ASPRV1: variants seen among roughly 807,000 people sequenced by gnomAD.
ASPRV1 encodes the protein retroviral-like aspartic protease 1.
A neutral mutation model predicts 11.0 loss-of-function variants in ASPRV1; 7 were observed. The ratio of observed to expected loss-of-function variants is 0.64; its 90% CI spans 0.36 to 1.20. The LOEUF (loss-of-function observed/expected upper bound fraction) is 1.20. Ranked by LOEUF, ASPRV1 falls within the 50% of genes most tolerant of loss-of-function variation. The pLI is 0.02. For synonymous variants in ASPRV1, 136 were observed against 138.4 expected (o/e 0.98, Z 0.12); for missense variants, 299 against 320.0 (o/e 0.93, Z 0.50).
the ASPRV1 span, among the ~76,000 whole-genome samples, chr2:69,946,567 C>T: frequency 2.0e-5 from 3 of 152,198 alleles, no homozygotes; most frequent in Non-Finnish European, 4.4e-5. Context: ...TAATCATTTT[C>T]CCAGCCAAGG....
chr2:69,969,499 C>G, the ASPRV1 span, among the ~76,000 whole-genome samples: 2 of 152,296 alleles, frequency 1.3e-5, no homozygotes, highest in Non-Finnish European at 2.9e-5. Context: ...TCTGCCACTA[C>G]GACCACTCCC....
At chr2:69,935,513 G>C in the ASPRV1 span, 1 of 1,331,274 alleles carries the variant, frequency 7.5e-7, no homozygotes, top group Non-Finnish European at 1.1e-6. Flanking sequence ...GTTCAGTGAG[G>C]GTTTGTCTGT....
At chr2:69,957,955 A>T (rs1299729305), downstream of ASPRV1, among the ~76,000 whole-genome samples, 1 of 151,954 alleles carries the variant, frequency 6.6e-6, no homozygotes, top group African/African-American at 2.4e-5. Context: ...CTGCTGCTTT[A>T]CTCCATCCTA....
chr2:69,994,404 G>C, the ASPRV1 span, among the ~76,000 whole-genome samples: 2 of 152,204 alleles, frequency 1.3e-5, no homozygotes, highest in Non-Finnish European at 2.9e-5. Flanking sequence ...CCATTTTACA[G>C]CATGACCAAC....
the ASPRV1 span, chr2:69,937,520 C>T: frequency 1.2e-5 from 11 of 934,042 alleles, no homozygotes; most frequent in Middle Eastern, 3.4e-4. Flanking sequence ...GTAGAGAAGT[C>T]GAACAGTGTG....
the ASPRV1 span, among the ~76,000 whole-genome samples, chr2:70,043,216 A>C: frequency 6.6e-6 from 1 of 152,084 alleles, no homozygotes; most frequent in South Asian, 2.1e-4. Context: ...TCAGGAGTTC[A>C]AGACCAGCCT....
At chr2:70,043,857 C>T in the ASPRV1 span, among the ~76,000 whole-genome samples, 2 of 152,176 alleles carry the variant, frequency 1.3e-5, no homozygotes, top group Non-Finnish European at 2.9e-5. Context: ...TGCCTCCATC[C>T]GAACATGCTG....
the ASPRV1 span, among the ~76,000 whole-genome samples, chr2:69,992,794 CA>C: frequency 6.6e-6 from 1 of 152,172 alleles, no homozygotes; most frequent in South Asian, 2.1e-4. Context: ...GAAATGGTTT[CA>C]TCATTTTGTA....
At chr2:69,998,939 T>C in the ASPRV1 span, among the ~76,000 whole-genome samples, 1,712 of 152,094 alleles carry the variant, frequency 0.011, 106 homozygotes, top group Admixed American at 0.092. Flanking sequence ...CCAAGAGCCA[T>C]AGCAGTAACA....
In ASPRV1 at chr2:69,960,856, C is replaced by T; in HGVS notation, c.581G>A (p.Ser194Asn). The part of the protein sequence containing the change: ...LKAQFLVANA[S>N]AEEAIIGTDV... Reference sequence around the variant, plus strand: ...AGTGCCAATGATGGCTTCCTCGGCACTCGCATTGGCCACTAGGAACTGTGC... The same window carrying T: ...AGTGCCAATGATGGCTTCCTCGGCATTCGCATTGGCCACTAGGAACTGTGC... The change falls in exon 1 of 1, where the codon AGT becomes AAT. Residue 194 changes from serine (S) to asparagine (N), a missense_variant. Ser to Asn is a conservative substitution (Grantham distance 46). Transcript: ENST00000320256. 6.2e-7 allele frequency: 1 copy of T among 1,614,168 alleles called. No individual in the cohort carries two copies. The highest frequency in any genetic ancestry group is 1.1e-5 in the South Asian group (1 of 91,086).
chr2:70,054,696 AC>A, the ASPRV1 span, among the ~76,000 whole-genome samples: 1 of 152,180 alleles, frequency 6.6e-6, no homozygotes, highest in African/African-American at 2.4e-5. Context: ...GTAAAGTAAG[AC>A]AAACGATGGG....
the ASPRV1 span, chr2:69,937,476 A>G: frequency 1.5e-6 from 2 of 1,347,708 alleles, no homozygotes; most frequent in African/African-American, 2.9e-5. Context: ...GACAGGAGGC[A>G]GAGTGTAAGA....
At chr2:70,052,729 T>C in the ASPRV1 span, among the ~76,000 whole-genome samples, 2 of 152,184 alleles carry the variant, frequency 1.3e-5, no homozygotes, top group South Asian at 2.1e-4. Flanking sequence ...CTCCACAGAA[T>C]CTGGATGGGA....
the ASPRV1 span, among the ~76,000 whole-genome samples, chr2:69,999,310 T>C: frequency 6.6e-6 from 1 of 151,722 alleles, no homozygotes. Flanking sequence ...CTCACTAAAA[T>C]ATTGAGATAA....
At chr2:69,970,973 C>G in the ASPRV1 span, 1 of 152,194 alleles carries the variant, frequency 6.6e-6, no homozygotes, top group Non-Finnish European at 1.5e-5. Context: ...TCGAGACCAG[C>G]CTGGCCAACA....
At chr2:69,975,831 G>T in the ASPRV1 span, 1 of 152,382 alleles carries the variant, frequency 6.6e-6, no homozygotes, top group African/African-American at 2.4e-5. Flanking sequence ...TTTTGGTTTT[G>T]AATTTGCTTT....
the ASPRV1 span, among the ~76,000 whole-genome samples, chr2:70,009,037 T>G: frequency 0.038 from 5,713 of 152,096 alleles, 367 homozygotes; most frequent in African/African-American, 0.13. Flanking sequence ...CTGGAGGTAA[T>G]GAGCTCCATA....
At chr2:69,993,822 C>T in the ASPRV1 span, 3 of 152,216 alleles carry the variant, frequency 2.0e-5, no homozygotes, top group African/African-American at 7.2e-5. Context: ...ACAGCCTTCA[C>T]TTTCCTGTTA....
the ASPRV1 span, among the ~76,000 whole-genome samples, chr2:70,036,400 C>A: frequency 6.6e-6 from 1 of 151,618 alleles, no homozygotes; most frequent in Non-Finnish European, 1.5e-5. Context: ...AATGGCAATA[C>A]AAGTATGAAA....
Sources: gnomAD v4.1 joint callset for allele counts (sites outside exome capture counted in the v4.1 genomes callset) on GRCh38, gnomAD v4.1.1 for gene constraint, MANE v1.5 for transcripts, NCBI Gene and HGNC (gene_info 2026-07-23, HGNC 2026-07-21) for gene names.